Variants in SLC9A9 observed in about 807,000 individuals in gnomAD.
SLC9A9 encodes solute carrier family 9 member A9, also known as sodium/hydrogen exchanger 9.
A neutral mutation model predicts 77.8 loss-of-function variants in SLC9A9; 62 were observed. The observed-to-expected ratio is 0.80, with a 90% CI of 0.65 to 0.98. The LOEUF is 0.98. Among genes scored for constraint, SLC9A9 ranks in the 50% least tolerant of loss-of-function variants. The pLI is 0.00. For synonymous variants in SLC9A9, 320 were observed against 283.5 expected (o/e 1.13, Z -1.29); for missense variants, 775 against 774.9 (o/e 1.00, Z 0.00).
intron 14 of SLC9A9, among the ~76,000 whole-genome samples, chr3:143,361,042 T>C (rs986795277): frequency 6.6e-6 from 1 of 152,218 alleles, no homozygotes; most frequent in African/African-American, 2.4e-5. Context: ...GTATTAGCTC[T>C]TGCCTGAATT....
At chr3:143,386,997 C>T (rs2033442684) in intron 12 of SLC9A9, among the ~76,000 whole-genome samples, 1 of 152,162 alleles carries the variant, frequency 6.6e-6, no homozygotes, top group Non-Finnish European at 1.5e-5. Context: ...TACGCCACCA[C>T]ACCCAGCTGA....
In SLC9A9 at chr3:143,637,009, T is replaced by C. The variant is rs1187338328; in HGVS notation, c.755+15246A>G. On this transcript the variant is annotated intron_variant, in intron 6 of 15. Transcript: ENST00000316549. ...AAAGTCCCATTAAAATGAATGTAAA[T>C]TCAAAAATAAGAAGTGACAGTTTCT... is the stretch of plus-strand genomic sequence containing the variant. Among the ~76,000 whole-genome samples the C allele has an allele frequency of 5.9e-5, 9 of 152,162 alleles. No homozygotes were observed. The East Asian group carries it at 1.4e-3, about 23-fold the overall frequency.
intron 9 of SLC9A9, among the ~76,000 whole-genome samples, chr3:143,544,352 A>G (rs1353047775): frequency 1.3e-5 from 2 of 151,826 alleles, no homozygotes; most frequent in Non-Finnish European, 2.9e-5. Context: ...TCAGCCTCCC[A>G]AGTAGCTGGG....
At chr3:143,557,521 G>A (rs756220317) in intron 8 of SLC9A9, among the ~76,000 whole-genome samples, 1 of 152,114 alleles carries the variant, frequency 6.6e-6, no homozygotes, top group Non-Finnish European at 1.5e-5. Context: ...GAGACTTCAG[G>A]GACTCAGAAG....
At position 143,334,544 on chromosome 3, in the gene SLC9A9, G is replaced by A. The variant is rs548538248; in HGVS notation, c.1604+28940C>T. Among the ~76,000 whole-genome samples the A allele has an allele frequency of 7.9e-5, 12 of 152,284 alleles. No homozygotes were observed. In the South Asian group the frequency reaches 2.3e-3, roughly 29 times the overall value. ...ACCCTTACTTGCTTTGTGATTTTGA[G>A]CCTCAGTGTTCTCTTCTGTAAAACG... On this transcript the variant is annotated intron_variant, in intron 14 of 15. Transcript: ENST00000316549.
intron 12 of SLC9A9, among the ~76,000 whole-genome samples, chr3:143,411,754 G>A (rs990062484): frequency 6.6e-6 from 1 of 152,112 alleles, no homozygotes. Context: ...CTGGTTACAA[G>A]AGTCCTCTTA....
chr3:143,451,101 G>A (rs2034999600), intron 12 of SLC9A9, among the ~76,000 whole-genome samples: 1 of 151,246 alleles, frequency 6.6e-6, no homozygotes, highest in Admixed American at 6.6e-5. Context: ...CCAAACACGG[G>A]GCAGCTTCAT....
At chr3:143,432,009 C>G (rs557044377) in intron 12 of SLC9A9, among the ~76,000 whole-genome samples, 15 of 152,282 alleles carry the variant, frequency 9.9e-5, no homozygotes, top group South Asian at 2.1e-4. Flanking sequence ...AATCACAGCC[C>G]AATCCCATCC....
chr3:143,721,448 T>C (rs1044100903), intron 4 of SLC9A9, among the ~76,000 whole-genome samples: 7 of 151,848 alleles, frequency 4.6e-5, no homozygotes, highest in Admixed American at 3.3e-4. Context: ...AAGTGCTGAG[T>C]TTTCCAGTCT....
chr3:143,376,503 G>A (rs955484076), intron 13 of SLC9A9, among the ~76,000 whole-genome samples: 1 of 152,200 alleles, frequency 6.6e-6, no homozygotes, highest in African/African-American at 2.4e-5. Flanking sequence ...AAGATTAAAT[G>A]TGATTATGTA....
intron 14 of SLC9A9, among the ~76,000 whole-genome samples, chr3:143,293,002 G>A (rs1343999680): frequency 6.6e-6 from 1 of 152,182 alleles, no homozygotes; most frequent in East Asian, 1.9e-4. Flanking sequence ...AGGGCAGTAA[G>A]GAGAGAGGGT....
intron 6 of SLC9A9, among the ~76,000 whole-genome samples, chr3:143,587,865 G>C (rs1167877588): frequency 6.6e-6 from 1 of 152,194 alleles, no homozygotes; most frequent in Non-Finnish European, 1.5e-5. Flanking sequence ...AAATAAAGTA[G>C]AGTAGTGAAG....
chr3:143,386,151 G>A (rs924051294), intron 12 of SLC9A9, among the ~76,000 whole-genome samples: 1 of 152,188 alleles, frequency 6.6e-6, no homozygotes, highest in African/African-American at 2.4e-5. Flanking sequence ...GAGACTTGGA[G>A]TGAAGTAGCT....
intron 6 of SLC9A9, chr3:143,627,788 C>G (rs1477389879): frequency 1.3e-5 from 2 of 152,370 alleles, no homozygotes; most frequent in African/African-American, 4.8e-5. Context: ...CTTTGCACTG[C>G]TCTGAATTCC....
chr3:143,787,460 A>G (rs150849226), intron 4 of SLC9A9, among the ~76,000 whole-genome samples: 1 of 152,206 alleles, frequency 6.6e-6, no homozygotes, highest in Non-Finnish European at 1.5e-5. Context: ...ATACATGCAT[A>G]TATACCTTTA....
At chr3:143,492,886 A>G (rs2035773167) in intron 11 of SLC9A9, among the ~76,000 whole-genome samples, 1 of 152,242 alleles carries the variant, frequency 6.6e-6, no homozygotes, top group Non-Finnish European at 1.5e-5. Context: ...ACAGCTACAT[A>G]GGAATCACGT....
intron 6 of SLC9A9, among the ~76,000 whole-genome samples, chr3:143,610,983 A>T (rs1241522667): frequency 6.6e-6 from 1 of 152,100 alleles, no homozygotes; most frequent in Admixed American, 6.6e-5. Context: ...AAAGGACCGA[A>T]AAAAAAATTG....
chr3:143,765,027 TTCTC>T lies in SLC9A9; in HGVS notation c.533+29970_533+29973del, dbSNP rs772974237. Among the ~76,000 whole-genome samples, 470 of 150,014 alleles carry T rather than the reference TTCTC, an allele frequency of 3.1e-3. 2 individuals are homozygous for T. Among genetic ancestry groups the T allele is most frequent in the Middle Eastern group, 0.01 (3 of 294 alleles). On this transcript the variant is annotated intron_variant, in intron 4 of 15. Transcript: ENST00000316549. The stretch of plus-strand genomic sequence containing the variant: ...TCTTTCTTTCTCTCTTTCTCTTTCT[TTCTC>T]TCTTTCTCTTTCTTTTTCTTTCTTT...
chr3:143,335,917 A>G (rs1015609912), intron 14 of SLC9A9, among the ~76,000 whole-genome samples: 2 of 152,212 alleles, frequency 1.3e-5, no homozygotes, highest in African/African-American at 4.8e-5. Context: ...ATGGTACTAC[A>G]TCTTCTACAT....
Sources: allele counts gnomAD v4.1 joint callset (sites outside exome capture counted in the v4.1 genomes callset), GRCh38; gene constraint gnomAD v4.1.1; transcripts MANE v1.5; gene names NCBI Gene and HGNC (gene_info 2026-07-23, HGNC 2026-07-21).